MYLK4: variants seen among roughly 807,000 people sequenced by gnomAD.
The protein encoded by MYLK4 is myosin light chain kinase family member 4.
A neutral mutation model predicts 48.1 loss-of-function variants in MYLK4; 46 were observed. That is an observed-to-expected ratio of 0.96 (90% CI 0.75 to 1.22). MYLK4 has a LOEUF of 1.22. Ranked by LOEUF, MYLK4 falls within the 50% of genes most tolerant of loss-of-function variation. MYLK4 has a pLI of 0.00. For synonymous variants in MYLK4, 170 were observed against 180.8 expected (o/e 0.94, Z 0.48); for missense variants, 451 against 486.1 (o/e 0.93, Z 0.68).
intron 2 of MYLK4, among the ~76,000 whole-genome samples, chr6:2,737,059 A>G (rs1180648771): frequency 6.6e-6 from 1 of 152,226 alleles, no homozygotes; most frequent in African/African-American, 2.4e-5. Flanking sequence ...ATACACCTGT[A>G]ATCCCAGCAC....
At chr6:2,680,625 A>G (rs751877000) in intron 7 of MYLK4, 5 of 915,376 alleles carry the variant, frequency 5.5e-6, no homozygotes, top group Non-Finnish European at 5.2e-6. Context: ...CAGGCCTGAC[A>G]TCTGCCCCTC....
chr6:2,679,881 G>C (rs1761226593), intron 8 of MYLK4, among the ~76,000 whole-genome samples: 1 of 152,182 alleles, frequency 6.6e-6, no homozygotes, highest in Non-Finnish European at 1.5e-5. Context: ...TTGCAAACTT[G>C]CTTACGTTGT....
chr6:2,674,786 G>A lies in MYLK4; in HGVS notation c.1119+261C>T, dbSNP rs1473119088. Among the ~76,000 whole-genome samples the A allele has an allele frequency of 3.9e-5, 6 of 152,150 alleles. No individual in the cohort carries two copies. In the South Asian group the frequency reaches 8.3e-4, roughly 21 times the overall value. ...CCTGTGAGACTGAGGCAGGAGAATC[G>A]CTTGAACCAGGGAGGTGGACGTTGC... On this transcript the variant is annotated intron_variant, in intron 11 of 12. Transcript: ENST00000274643.
chr6:2,747,701 AT>A (rs1764146953), intron 2 of MYLK4, among the ~76,000 whole-genome samples: 1 of 152,150 alleles, frequency 6.6e-6, no homozygotes, highest in African/African-American at 2.4e-5. Flanking sequence ...TGTATCATAG[AT>A]TTTGGAGAAA....
chr6:2,688,046 T>A (rs1186852776), intron 4 of MYLK4, among the ~76,000 whole-genome samples: 1 of 150,706 alleles, frequency 6.6e-6, no homozygotes, highest in Admixed American at 6.6e-5. Context: ...TCCTTCTGGT[T>A]TTTTTTCTTT....
intron 2 of MYLK4, among the ~76,000 whole-genome samples, chr6:2,706,369 A>AG (rs1444456552): frequency 1.3e-5 from 2 of 152,200 alleles, no homozygotes; most frequent in African/African-American, 4.8e-5. Flanking sequence ...TTTCCAGAAA[A>AG]AAAACCCCAC....
intron 10 of MYLK4, among the ~76,000 whole-genome samples, 166 bp downstream of exon 10, chr6:2,678,054 C>T (rs1160910354): frequency 6.6e-6 from 1 of 152,156 alleles, no homozygotes; most frequent in Non-Finnish European, 1.5e-5. Flanking sequence ...CAAAGCAGTC[C>T]CAGATCTCAG....
intron 2 of MYLK4, among the ~76,000 whole-genome samples, chr6:2,718,425 C>T (rs6596903): frequency 0.85 from 129,739 of 152,190 alleles, 55,393 homozygotes; most frequent in Admixed American, 0.89. Context: ...CCTTTAGCCT[C>T]TTTTGAAGAA....
chr6:2,753,740 A>T (rs1764354524), upstream of MYLK4, among the ~76,000 whole-genome samples: 1 of 152,212 alleles, frequency 6.6e-6, no homozygotes, highest in Non-Finnish European at 1.5e-5. Context: ...TCACCAAAGA[A>T]GATATAAAAA....
upstream of MYLK4, among the ~76,000 whole-genome samples, chr6:2,752,165 A>G (rs536230935): frequency 6.6e-6 from 1 of 152,366 alleles, no homozygotes; most frequent in Non-Finnish European, 1.5e-5. Context: ...TGAGTGAGCC[A>G]GAGGCCAGGA....
At position 2,721,124 on chromosome 6, in the gene MYLK4, G is replaced by A. The variant is rs186487330; in HGVS notation, c.159+28012C>T. Among the ~76,000 whole-genome samples, 653 of 152,212 alleles carry A rather than the reference G, an allele frequency of 4.3e-3. 1 individual carries two copies. Among genetic ancestry groups the A allele is most frequent in the Non-Finnish European group, 7.0e-3 (477 of 67,994 alleles). ...TGCAGTGAGCCAAGATCACACCACC[G>A]CACTCCAGCCTGGGTGACAGAGCAA... On this transcript the variant is annotated intron_variant, in intron 2 of 12. Transcript: ENST00000274643.
chr6:2,698,340 C>T (rs1317285607), intron 2 of MYLK4, among the ~76,000 whole-genome samples: 1 of 152,176 alleles, frequency 6.6e-6, no homozygotes, highest in African/African-American at 2.4e-5. Flanking sequence ...GAACGTATCA[C>T]CCACATGGCC....
chr6:2,720,107 A>T (rs984644512), intron 2 of MYLK4, among the ~76,000 whole-genome samples: 18 of 151,470 alleles, frequency 1.2e-4, no homozygotes, highest in African/African-American at 2.4e-4. Flanking sequence ...CATTTTTTTT[A>T]AAAAAGCAGA....
chr6:2,768,431 T>A, the MYLK4 span, among the ~76,000 whole-genome samples: 1 of 152,230 alleles, frequency 6.6e-6, no homozygotes, highest in Non-Finnish European at 1.5e-5. Flanking sequence ...CAAAAAGGAA[T>A]CAAAGGTGGT....
rs188155349 is a variant in MYLK4 at position 2,679,791 on chromosome 6, G to A, written c.759-383C>T. ...ATAATTTACAACATCCATTTTATAT[G>A]TGTCGTTAATGTGCTGAATTGTTAA... On this transcript the variant is annotated intron_variant, in intron 8 of 12. Coordinates refer to ENST00000274643, the MANE Select transcript of MYLK4 (RefSeq NM_001012418.5). Among the ~76,000 whole-genome samples, 44 of 152,302 alleles carry A rather than the reference G, an allele frequency of 2.9e-4. 1 individual carries two copies. Among genetic ancestry groups the A allele is most frequent in the African/African-American group, 9.1e-4 (38 of 41,564 alleles).
chr6:2,671,751 G>A (rs1397348227), intron 11 of MYLK4, among the ~76,000 whole-genome samples: 4 of 152,218 alleles, frequency 2.6e-5, no homozygotes, highest in Non-Finnish European at 5.9e-5. Context: ...TTCAAATTGA[G>A]TAGACAACGG....
chr6:2,693,948 G>A (rs149302890), intron 2 of MYLK4, among the ~76,000 whole-genome samples: 2,411 of 151,982 alleles, frequency 0.016, 60 homozygotes, highest in African/African-American at 0.054. Context: ...CAGTAGAGAC[G>A]GGGTTTTGCC....
intron 7 of MYLK4, among the ~76,000 whole-genome samples, chr6:2,681,572 T>C (rs1761303534): frequency 6.6e-6 from 1 of 152,230 alleles, no homozygotes; most frequent in Non-Finnish European, 1.5e-5. Flanking sequence ...TTTATGACGA[T>C]AAAATTAAAC....
chr6:2,738,890 C>T (rs1763793040), intron 2 of MYLK4, among the ~76,000 whole-genome samples: 2 of 152,150 alleles, frequency 1.3e-5, no homozygotes, highest in South Asian at 4.1e-4. Context: ...CAAGAGTGAA[C>T]CCTAATGTGA....
Sources: allele counts gnomAD v4.1 joint callset (sites outside exome capture counted in the v4.1 genomes callset), GRCh38; gene constraint gnomAD v4.1.1; transcripts MANE v1.5; gene names NCBI Gene and HGNC (gene_info 2026-07-23, HGNC 2026-07-21).